WFDC10B: variants seen among roughly 807,000 people sequenced by gnomAD.
WFDC10B encodes the protein protein WFDC10B.
WFDC10B carries 1 observed loss-of-function variant against 2.7 expected under a neutral mutation model. The observed-to-expected ratio is 0.38, with a 90% CI of 0.13 to 1.79. The LOEUF (loss-of-function observed/expected upper bound fraction) is 1.79, where lower values mean the gene tolerates loss of function less well. WFDC10B is among the 40% of genes most tolerant of loss of function. WFDC10B has a pLI of 0.33. For synonymous variants in WFDC10B, 26 were observed against 32.2 expected (o/e 0.81, Z 0.65); for missense variants, 71 against 87.8 (o/e 0.81, Z 0.76).
At position 45,692,242 on chromosome 20, in the gene WFDC10B, G is replaced by A. The variant is rs557230404; in HGVS notation, c.-64-6186C>T. ...ATGGGCTTCCCTTTGTGGGTAACCC[G>A]ACCTTTCTCTCTGGCTGCCCTTAAC... On this transcript the variant is annotated intron_variant, in intron 2 of 3. Coordinates refer to ENST00000330523, the MANE Select transcript of WFDC10B (RefSeq NM_172006.2). 1.6e-4 allele frequency among the ~76,000 whole-genome samples: 25 copies of A among 152,150 alleles called. No homozygotes were observed. In the South Asian group the frequency reaches 2.3e-3, roughly 14 times the overall value.
intron 1 of WFDC10B, 117 bp from the exon 2 acceptor site, chr20:45,704,678 G>T: frequency 6.6e-7 from 1 of 1,514,282 alleles, no homozygotes; most frequent in African/African-American, 1.5e-5. Flanking sequence ...CAACTGTGCT[G>T]GATCTCTCCT....
At chr20:45,701,974 T>C (rs924377604) in intron 2 of WFDC10B, 1 of 670,810 alleles carries the variant, frequency 1.5e-6, no homozygotes, top group Non-Finnish European at 2.6e-6. Flanking sequence ...CTTGGATTCC[T>C]GCCCTGCCGG....
chr20:45,693,463 A>C (rs965779781), intron 2 of WFDC10B, among the ~76,000 whole-genome samples: 15 of 152,138 alleles, frequency 9.9e-5, no homozygotes, highest in Non-Finnish European at 2.9e-5. Flanking sequence ...GGCCTCCTTG[A>C]GCTGTGGTGG....
At chr20:45,697,301 A>C (rs528598207) in intron 2 of WFDC10B, among the ~76,000 whole-genome samples, 1 of 152,282 alleles carries the variant, frequency 6.6e-6, no homozygotes, top group Non-Finnish European at 1.5e-5. Context: ...TGGAGGTAAA[A>C]GACTTGTATA....
intron 2 of WFDC10B, chr20:45,701,939 C>G: frequency 1.7e-6 from 1 of 597,814 alleles, no homozygotes; most frequent in South Asian, 2.0e-5. Context: ...CTACGTGACC[C>G]TGGAGTGGGT....
intron 2 of WFDC10B, among the ~76,000 whole-genome samples, chr20:45,687,744 G>C (rs1041788994): frequency 1.3e-5 from 2 of 151,906 alleles, no homozygotes; most frequent in Admixed American, 6.6e-5. Flanking sequence ...GTTTTGATTT[G>C]CATTACTCTG....
chr20:45,702,155 T>A (rs1984188235), intron 2 of WFDC10B: 1 of 1,613,284 alleles, frequency 6.2e-7, no homozygotes, highest in Admixed American at 1.7e-5. Flanking sequence ...CAGTTCCTGG[T>A]GGTGTTCTGC....
At chr20:45,688,767 G>A (rs576612461) in intron 2 of WFDC10B, among the ~76,000 whole-genome samples, 15 of 152,192 alleles carry the variant, frequency 9.9e-5, no homozygotes, top group Middle Eastern at 3.4e-3. Flanking sequence ...AGTAGGTTGC[G>A]AAAATTTTCT....
chr20:45,694,444 T>C (rs1983920721), intron 2 of WFDC10B, among the ~76,000 whole-genome samples: 1 of 152,134 alleles, frequency 6.6e-6, no homozygotes, highest in Non-Finnish European at 1.5e-5. Context: ...AAAAACATGA[T>C]TATATATCGA....
At chr20:45,698,228 C>T (rs574860875) in intron 2 of WFDC10B, among the ~76,000 whole-genome samples, 6 of 152,232 alleles carry the variant, frequency 3.9e-5, no homozygotes, top group Admixed American at 6.5e-5. Flanking sequence ...AAGGCTGAAC[C>T]GAAGCCAAGG....
chr20:45,685,004 A>G, intron 3 of WFDC10B, 44 bp from the exon 4 acceptor site: 1 of 1,609,786 alleles, frequency 6.2e-7, no homozygotes, highest in Non-Finnish European at 8.5e-7. Context: ...ATGCACCTAT[A>G]GAGCAGCCTT....
At chr20:45,686,336 TA>T (rs1230764516) in intron 2 of WFDC10B, among the ~76,000 whole-genome samples, 2 of 152,324 alleles carry the variant, frequency 1.3e-5, no homozygotes, top group Admixed American at 6.5e-5. Context: ...AAAGAAGAAA[TA>T]TAATTTTTTA....
At chr20:45,700,871 T>C (rs1315095472) in intron 2 of WFDC10B, among the ~76,000 whole-genome samples, 1 of 152,224 alleles carries the variant, frequency 6.6e-6, no homozygotes, top group Admixed American at 6.5e-5. Context: ...AAACTATAAC[T>C]GCTTATTTGC....
chr20:45,688,650 GTGT>G (rs1205792758), intron 2 of WFDC10B, among the ~76,000 whole-genome samples: 1 of 151,622 alleles, frequency 6.6e-6, no homozygotes, highest in Non-Finnish European at 1.5e-5. Context: ...CTTTTGAGAA[GTGT>G]CTGTTCATGT....
chr20:45,686,122 T>C, intron 2 of WFDC10B, 66 bp from the exon 3 acceptor site: 1 of 1,482,858 alleles, frequency 6.7e-7, no homozygotes, highest in Non-Finnish European at 9.0e-7. Context: ...ACTGGACAAG[T>C]CAGGGCAGAG....
chr20:45,684,655 T>G lies in WFDC10B; in HGVS notation c.*175A>C. On this transcript the variant is annotated 3_prime_UTR_variant, in exon 4 of 4. Coordinates refer to ENST00000330523, the MANE Select transcript of WFDC10B (RefSeq NM_172006.2). ...GTGGCAGCAAAAGAGGCAGGATCCA[T>G]GGGCATTTGTTCTGGTTTATTTGAC... The G allele has an allele frequency of 1.3e-6, 1 of 784,030 alleles. No homozygotes were observed. Among genetic ancestry groups the G allele is most frequent in the South Asian group, 1.9e-5 (1 of 52,408 alleles). 48.6% of individuals were successfully genotyped at this position (784,030 alleles called of 1,614,324 possible).
chr20:45,692,698 T>C (rs1983852179), intron 2 of WFDC10B, among the ~76,000 whole-genome samples: 1 of 152,234 alleles, frequency 6.6e-6, no homozygotes, highest in Non-Finnish European at 1.5e-5. Flanking sequence ...CTTTAAGCAC[T>C]TCTCTGTATT....
At chr20:45,704,091 GA>G (rs1373779624) in intron 2 of WFDC10B, among the ~76,000 whole-genome samples, 4 of 152,186 alleles carry the variant, frequency 2.6e-5, no homozygotes, top group African/African-American at 9.7e-5. Context: ...AATCAGTGCA[GA>G]ACGAACATAC....
chr20:45,685,175 T>C (rs1296881145), intron 3 of WFDC10B, among the ~76,000 whole-genome samples: 1 of 152,092 alleles, frequency 6.6e-6, no homozygotes, highest in Admixed American at 6.5e-5. Context: ...CCCAGTAGAC[T>C]TCAATGCCTG....
Sources: allele counts gnomAD v4.1 joint callset (sites outside exome capture counted in the v4.1 genomes callset), GRCh38; gene constraint gnomAD v4.1.1; transcripts MANE v1.5; gene names NCBI Gene and HGNC (gene_info 2026-07-23, HGNC 2026-07-21).